RGL1: variants seen among roughly 807,000 people sequenced by gnomAD.
RGL1 encodes ral guanine nucleotide dissociation stimulator like 1.
In RGL1, 24 loss-of-function variants were observed where a neutral mutation model predicts 95.2. The ratio of observed to expected loss-of-function variants is 0.25; its 90% CI spans 0.18 to 0.35. The LOEUF (loss-of-function observed/expected upper bound fraction) is 0.35, where lower values mean the gene tolerates loss of function less well. Among genes scored for constraint, RGL1 ranks in the 10% least tolerant of loss-of-function variants. The pLI is 1.00. For synonymous variants in RGL1, 329 were observed against 344.9 expected, an observed-to-expected ratio of 0.95 and a Z score of 0.51; for missense variants, 715 against 936.3, an observed-to-expected ratio of 0.76 and a Z score of 3.08.
At chr1:183,712,432 T>C (rs1208762168) in intron 1 of RGL1, among the ~76,000 whole-genome samples, 1 of 152,204 alleles carries the variant, frequency 6.6e-6, no homozygotes. Flanking sequence ...ATCCTGTGAC[T>C]TAGGAACTCT....
intron 2 of RGL1, among the ~76,000 whole-genome samples, chr1:183,745,476 T>A (rs1558184492): frequency 1.3e-5 from 2 of 152,182 alleles, no homozygotes. Flanking sequence ...TGCTTTTATT[T>A]GCTTAGTATT....
intron 13 of RGL1, among the ~76,000 whole-genome samples, chr1:183,905,783 T>C (rs1668283441): frequency 6.6e-6 from 1 of 152,214 alleles, no homozygotes; most frequent in Non-Finnish European, 1.5e-5. Flanking sequence ...GCCCACTGCC[T>C]GTTTTTACAT....
rs372707986 is a variant in RGL1 at position 183,907,036 on chromosome 1, A to T, written c.1497A>T (p.Glu499Asp). Residue 499 changes from glutamate (E) to aspartate (D), a missense_variant, in exon 14 of 18, where the codon GAA (glutamate) becomes GAT (aspartate). Transcript: ENST00000360851. ...EESYALSCEI[E>D]AAADASTTSP... ...GCTATGCCCTGTCATGTGAGATTGAAGCAGCTGCTGACGCCAGCACCACCT... is the reference window on the plus strand; with the variant it reads ...GCTATGCCCTGTCATGTGAGATTGATGCAGCTGCTGACGCCAGCACCACCT... 3 of 1,611,586 alleles carry T rather than the reference A, an allele frequency of 1.9e-6. No homozygotes were observed. The African/African-American group carries it at 4.0e-5, about 22-fold the overall frequency.
intron 2 of RGL1, among the ~76,000 whole-genome samples, chr1:183,829,243 C>G (rs1163829274): frequency 6.6e-6 from 1 of 151,962 alleles, no homozygotes; most frequent in African/African-American, 2.4e-5. Context: ...GCCCATGAGT[C>G]TACCTGGGCA....
rs983768580 is a variant in RGL1, at chr1:183,870,085, A to G, written c.425+4012A>G. ...TCGAACCCTAAAAGCATGCCAACAG[A>G]CAACACAAAGCGGTGTGGAGCAACA... On this transcript the variant is annotated intron_variant, in intron 4 of 17. Coordinates refer to ENST00000360851, the MANE Select transcript of RGL1 (RefSeq NM_001297671.3). 3.3e-5 allele frequency among the ~76,000 whole-genome samples: 5 copies of G among 152,196 alleles called. 1 individual carries two copies. Among genetic ancestry groups the G allele is most frequent in the Non-Finnish European group, 5.9e-5 (4 of 68,034 alleles).
At chr1:183,821,773 G>T (rs1477182120) in intron 2 of RGL1, among the ~76,000 whole-genome samples, 5 of 152,136 alleles carry the variant, frequency 3.3e-5, no homozygotes, top group African/African-American at 1.2e-4. Context: ...TGGAGTCCAA[G>T]AATGACTTTT....
At chr1:183,756,192 A>ATTTTTT (rs34988129) in intron 2 of RGL1, among the ~76,000 whole-genome samples, 1 of 140,342 alleles carries the variant, frequency 7.1e-6, no homozygotes. Flanking sequence ...GCCTGAGTTC[A>ATTTTTT]TTTTTTTTTT....
intron 2 of RGL1, among the ~76,000 whole-genome samples, chr1:183,840,610 G>C (rs926101410): frequency 6.6e-6 from 1 of 151,942 alleles, no homozygotes; most frequent in Admixed American, 6.6e-5. Flanking sequence ...TGCCTGTAAT[G>C]CTAGCACTTT....
rs12090213 is a variant in RGL1, at chr1:183,826,295, C to G, written c.138+19810C>G. Among the ~76,000 whole-genome samples, 223 of 152,220 alleles carry G rather than the reference C, an allele frequency of 1.5e-3. 2 individuals are homozygous for G. The East Asian group carries it at 0.036, about 25-fold the overall frequency. On this transcript the variant is annotated intron_variant, in intron 2 of 17. Coordinates refer to ENST00000360851, the MANE Select transcript of RGL1 (RefSeq NM_001297671.3). ...GCCCTGTCTCTATTTTTTAAATAAA[C>G]AAATCTCAACTCCCCCTAACCCTGC...
chr1:183,847,219 C>T (rs150943504), intron 2 of RGL1, among the ~76,000 whole-genome samples: 1,995 of 152,138 alleles, frequency 0.013, 35 homozygotes, highest in African/African-American at 0.044. Context: ...GAGGCCAAGG[C>T]GAGAGGGTTG....
At chr1:183,701,341 C>A (rs960155083) in intron 1 of RGL1, among the ~76,000 whole-genome samples, 3 of 152,254 alleles carry the variant, frequency 2.0e-5, no homozygotes, top group Admixed American at 1.3e-4. Context: ...TTGGAGATTG[C>A]CTGGTTATTA....
intron 2 of RGL1, among the ~76,000 whole-genome samples, chr1:183,838,439 C>T (rs927305011): frequency 6.6e-6 from 1 of 152,162 alleles, no homozygotes; most frequent in Non-Finnish European, 1.5e-5. Context: ...TATTACAGCT[C>T]CCTTTACATC....
intron 1 of RGL1, among the ~76,000 whole-genome samples, chr1:183,737,527 A>C (rs1370902860): frequency 1.3e-5 from 2 of 150,876 alleles, no homozygotes; most frequent in African/African-American, 4.9e-5. Context: ...AGGCAGGAGG[A>C]TCACTTGAGC....
At chr1:183,710,116 C>A in intron 1 of RGL1, 1 of 193,424 alleles carries the variant, frequency 5.2e-6, no homozygotes, top group Non-Finnish European at 1.1e-5. Flanking sequence ...GTGCCACTTT[C>A]ACTCTACATG....
intron 2 of RGL1, among the ~76,000 whole-genome samples, chr1:183,747,843 C>T (rs978610337): frequency 6.6e-6 from 1 of 152,092 alleles, no homozygotes. Context: ...GTAAGGCTGG[C>T]CTCATAAAAT....
intron 2 of RGL1, among the ~76,000 whole-genome samples, chr1:183,841,565 A>C (rs1322845603): frequency 6.6e-6 from 1 of 152,232 alleles, no homozygotes; most frequent in African/African-American, 2.4e-5. Flanking sequence ...GCAGAACCTC[A>C]TGTTGAGCTT....
chr1:183,810,846 C>T (rs1205100879), intron 2 of RGL1, among the ~76,000 whole-genome samples: 1 of 152,180 alleles, frequency 6.6e-6, no homozygotes, highest in Non-Finnish European at 1.5e-5. Flanking sequence ...ATGAGGCGTC[C>T]CTTCTGTGTG....
intron 2 of RGL1, among the ~76,000 whole-genome samples, chr1:183,746,279 A>G (rs547199442): frequency 6.6e-6 from 1 of 152,202 alleles, no homozygotes; most frequent in Admixed American, 6.5e-5. Flanking sequence ...AAAAGTCTTT[A>G]CTGCATATGT....
intron 3 of RGL1, among the ~76,000 whole-genome samples, chr1:183,856,300 C>T (rs1665140073): frequency 6.6e-6 from 1 of 151,770 alleles, no homozygotes; most frequent in Non-Finnish European, 1.5e-5. Flanking sequence ...CATACACACA[C>T]ATATATATAA....
Sources: gnomAD v4.1 joint callset for allele counts (sites outside exome capture counted in the v4.1 genomes callset) on GRCh38, gnomAD v4.1.1 for gene constraint, MANE v1.5 for transcripts, NCBI Gene and HGNC (gene_info 2026-07-23, HGNC 2026-07-21) for gene names.